Variants in LSM4 observed in about 807,000 individuals in gnomAD.
LSM4 encodes the protein LSM4 homolog, U6 small nuclear RNA and mRNA degradation associated, also known as U6 snRNA-associated Sm-like protein LSm4.
LSM4 carries 15 observed loss-of-function variants against 22.3 expected under a neutral mutation model. The ratio of observed to expected loss-of-function variants is 0.67; its 90% CI spans 0.45 to 1.03. The LOEUF (loss-of-function observed/expected upper bound fraction) is 1.03. LSM4 is among the 50% of genes least tolerant of loss of function. LSM4 has a pLI of 0.00. For missense variants in LSM4, 127 were observed against 198.0 expected (o/e 0.64, Z 2.15); for synonymous variants, 90 against 79.8 (o/e 1.13, Z -0.68).
intron 1 of LSM4, among the ~76,000 whole-genome samples, chr19:18,321,458 C>G (rs780510803): frequency 1.3e-5 from 2 of 152,186 alleles, no homozygotes; most frequent in Non-Finnish European, 2.9e-5. Context: ...GCCATCTTTG[C>G]TTATTCCTAG....
In LSM4 at chr19:18,306,759, A is replaced by T. The variant is rs1482471211; in HGVS notation, c.*705T>A. ...CTGGTCTTGCCTTTTGTAAAAGGACATCAGTGCCTCACTGTGCCGCTGACA... is the reference window on the plus strand; with the variant it reads ...CTGGTCTTGCCTTTTGTAAAAGGACTTCAGTGCCTCACTGTGCCGCTGACA... On this transcript the variant is annotated 3_prime_UTR_variant, in exon 5 of 5. Coordinates refer to ENST00000593829, the MANE Select transcript of LSM4 (RefSeq NM_012321.5). 6.6e-6 allele frequency: 1 copy of T among 152,230 alleles called. No individual in the cohort carries two copies. The highest frequency in any genetic ancestry group is 1.5e-5 in the Non-Finnish European group (1 of 68,046). 9.4% of individuals were successfully genotyped at this position (152,230 alleles called of 1,614,324 possible).
chr19:18,309,548 G>C, intron 4 of LSM4, 130 bp downstream of exon 4: 2 of 1,012,822 alleles, frequency 2.0e-6, no homozygotes, highest in Non-Finnish European at 2.8e-6. Flanking sequence ...CATGGCCAAG[G>C]ACCAGGAGGG....
chr19:18,308,398 C>A (rs1221356213), intron 4 of LSM4, among the ~76,000 whole-genome samples: 3 of 152,228 alleles, frequency 2.0e-5, no homozygotes, highest in Non-Finnish European at 4.4e-5. Context: ...GCTCTGTAAG[C>A]CCCGTTTAGG....
intron 3 of LSM4, among the ~76,000 whole-genome samples, chr19:18,311,722 G>A (rs909456213): frequency 6.6e-6 from 1 of 152,100 alleles, no homozygotes; most frequent in Non-Finnish European, 1.5e-5. Flanking sequence ...AGCTTCTAGC[G>A]CTGCTGCACA....
chr19:18,310,889 G>A (rs1158041808), intron 3 of LSM4, among the ~76,000 whole-genome samples: 2 of 152,296 alleles, frequency 1.3e-5, no homozygotes, highest in East Asian at 1.9e-4. Flanking sequence ...CGGAACACAC[G>A]CCATGGGCTT....
intron 2 of LSM4, among the ~76,000 whole-genome samples, chr19:18,314,510 C>A (rs1250956330): frequency 6.6e-6 from 1 of 151,096 alleles, no homozygotes; most frequent in Non-Finnish European, 1.5e-5. Flanking sequence ...GAGCTAGACT[C>A]CCTCTCAAAA....
chr19:18,322,959 G>T, intron 1 of LSM4, 59 bp downstream of exon 1: 21 of 1,584,752 alleles, frequency 1.3e-5, no homozygotes, highest in Non-Finnish European at 1.8e-5. Context: ...CGCCCGCAGG[G>T]ATCCCAACGA....
At chr19:18,316,949 C>T (rs1456054308) in intron 1 of LSM4, among the ~76,000 whole-genome samples, 1 of 152,078 alleles carries the variant, frequency 6.6e-6, no homozygotes, top group African/African-American at 2.4e-5. Context: ...TTAGATGAAG[C>T]CTTGCTCTAA....
intron 1 of LSM4, among the ~76,000 whole-genome samples, chr19:18,320,334 C>T (rs1970412499): frequency 6.6e-6 from 1 of 152,142 alleles, no homozygotes; most frequent in African/African-American, 2.4e-5. Context: ...ACAAAAGATT[C>T]TGTCTCTACA....
Position 18,312,796 on chromosome 19 carries a change from C to G in LSM4, c.46-94G>C. ...GTAGCTCTGCCCTGAGATGGACCAC[C>G]ACCTCCGGGCCTCAGCCCACAGTTC... On this transcript the variant is annotated intron_variant, in intron 2 of 4. Transcript: ENST00000593829. 16 of 920,296 alleles carry G rather than the reference C, an allele frequency of 1.7e-5. No homozygotes were observed. In the South Asian group the frequency reaches 2.2e-4, roughly 13 times the overall value. 57.0% of individuals were successfully genotyped at this position (920,296 alleles called of 1,614,324 possible).
chr19:18,318,654 T>C (rs1007739514), intron 1 of LSM4, among the ~76,000 whole-genome samples: 1 of 152,220 alleles, frequency 6.6e-6, no homozygotes, highest in Non-Finnish European at 1.5e-5. Context: ...TCCTCCTGGA[T>C]CACCAGGGAA....
At chr19:18,308,922 A>C (rs902622521) in intron 4 of LSM4, among the ~76,000 whole-genome samples, 85 of 150,174 alleles carry the variant, frequency 5.7e-4, no homozygotes, top group Middle Eastern at 3.4e-3. Flanking sequence ...GCCAGAGAAA[A>C]CCCCCCACTT....
Position 18,309,703 on chromosome 19 carries a change from G to T in LSM4, c.303C>A (p.Gly101=). 1 of 1,609,768 alleles carries T rather than the reference G, an allele frequency of 6.2e-7. No individual in the cohort carries two copies. Among genetic ancestry groups the T allele is most frequent in the Non-Finnish European group, 8.5e-7 (1 of 1,178,546 alleles). ...CTCGGCCAGCGCCGCCCATGCCGCG[G>T]CCTTTCTGCTGCTTCTGCTGCTGCA... ...GGLQQQKQQK[G]RGMGGAGRGV... is the part of the protein sequence containing the mutation. Residue 101 remains glycine (G), a synonymous_variant, in exon 4 of 5, where the codon GGC becomes GGA. Transcript: ENST00000593829.
At chr19:18,313,353 G>A (rs1296230734) in intron 2 of LSM4, among the ~76,000 whole-genome samples, 1 of 152,210 alleles carries the variant, frequency 6.6e-6, no homozygotes, top group Non-Finnish European at 1.5e-5. Context: ...GCACAGCTGG[G>A]CTGGTCCTGG....
chr19:18,313,761 C>A (rs1281500460), intron 2 of LSM4, among the ~76,000 whole-genome samples: 1 of 152,204 alleles, frequency 6.6e-6, no homozygotes, highest in East Asian at 1.9e-4. Flanking sequence ...AGTGATCCTC[C>A]TGTCTTGGCC....
chr19:18,311,501 A>C (rs928629910), intron 3 of LSM4, among the ~76,000 whole-genome samples: 1 of 152,158 alleles, frequency 6.6e-6, no homozygotes, highest in Non-Finnish European at 1.5e-5. Flanking sequence ...CAGGCTTCTC[A>C]TGTCTAGGAC....
Position 18,307,576 on chromosome 19 carries a change from G to A in LSM4, c.329-21C>T, listed in dbSNP as rs113121664. On this transcript the variant is annotated intron_variant, in intron 4 of 4. Transcript: ENST00000593829. ...CACACCTAGAGGACAGAGAGAGGGCGCTGCAGCAGAGCCAGGTGGGTGGGA... is the reference window on the plus strand; with the variant it reads ...CACACCTAGAGGACAGAGAGAGGGCACTGCAGCAGAGCCAGGTGGGTGGGA... The A allele has an allele frequency of 2.4e-4, 352 of 1,471,426 alleles. No individual in the cohort carries two copies. The African/African-American group carries it at 3.9e-3, about 16-fold the overall frequency. The allele number at this position is 1,471,426 out of a possible 1,614,324, so 91.1% of individuals were successfully genotyped here.
intron 2 of LSM4, among the ~76,000 whole-genome samples, chr19:18,315,381 G>A (rs1255636942): frequency 1.3e-5 from 2 of 152,020 alleles, no homozygotes; most frequent in Non-Finnish European, 2.9e-5. Flanking sequence ...GAACTCCTGG[G>A]CTGAAGCCAT....
intron 1 of LSM4, 115 bp from the exon 2 acceptor site, chr19:18,316,180 G>C (rs780236548): frequency 2.3e-6 from 2 of 852,190 alleles, no homozygotes; most frequent in African/African-American, 1.7e-5. Context: ...GGGCACAGGA[G>C]TGCGTGTCAA....
Sources: allele counts gnomAD v4.1 joint callset (sites outside exome capture counted in the v4.1 genomes callset), GRCh38; gene constraint gnomAD v4.1.1; transcripts MANE v1.5; gene names NCBI Gene and HGNC (gene_info 2026-07-23, HGNC 2026-07-21).